Variants in PLCB1 observed in about 807,000 individuals in gnomAD.
PLCB1 encodes the protein 1-phosphatidylinositol 4,5-bisphosphate phosphodiesterase beta-1.
In PLCB1, 46 loss-of-function variants were observed where a neutral mutation model predicts 161.8. The ratio of observed to expected loss-of-function variants is 0.28; its 90% CI spans 0.22 to 0.36. The LOEUF (loss-of-function observed/expected upper bound fraction) is 0.36, where lower values mean the gene tolerates loss of function less well. Ranked by LOEUF, PLCB1 falls within the 10% of genes least tolerant of loss-of-function variation. The pLI is 1.00. For missense variants in PLCB1, 1,016 were observed against 1,472.5 expected (o/e 0.69, Z 5.07); for synonymous variants, 517 against 503.7 (o/e 1.03, Z -0.35).
chr20:8,265,209 A>C (rs1477562727), intron 2 of PLCB1, among the ~76,000 whole-genome samples: 1 of 152,172 alleles, frequency 6.6e-6, no homozygotes, highest in Admixed American at 6.5e-5. Context: ...TCTCCTCCAT[A>C]AAATGGGAAC....
rs2327089 is a variant in PLCB1, at chr20:8,788,533, C to T, written c.3188+8C>T. The T allele has an allele frequency of 0.95, 1,533,810 of 1,611,776 alleles. 731,822 individuals are homozygous for T. Among genetic ancestry groups the T allele is most frequent in the East Asian group, 1 (44,764 of 44,796 alleles). Reference sequence around the variant, plus strand: ...CAAAGAAATCTGTGAGAAGTAAGCCCTCATTCCCATTACAATTGACATGTG... The same window carrying T: ...CAAAGAAATCTGTGAGAAGTAAGCCTTCATTCCCATTACAATTGACATGTG... On this transcript the variant is annotated splice_region_variant and intron_variant, in intron 28 of 31. Transcript: ENST00000338037.
At chr20:8,530,344 A>G (rs1984755566) in intron 3 of PLCB1, among the ~76,000 whole-genome samples, 2 of 152,064 alleles carry the variant, frequency 1.3e-5, no homozygotes, top group South Asian at 4.1e-4. Context: ...ATTTAAGACC[A>G]TTTCTTCTTA....
At chr20:8,347,044 A>C (rs1319305316) in intron 2 of PLCB1, among the ~76,000 whole-genome samples, 1 of 152,202 alleles carries the variant, frequency 6.6e-6, no homozygotes, top group Non-Finnish European at 1.5e-5. Context: ...TAAATATAGA[A>C]ACTATGGAAA....
chr20:8,721,981 TGA>T (rs1422917238), intron 14 of PLCB1, among the ~76,000 whole-genome samples: 1 of 152,112 alleles, frequency 6.6e-6, no homozygotes, highest in Admixed American at 6.6e-5. Context: ...ATAGAGACCC[TGA>T]GAGAGTGTTT....
intron 31 of PLCB1, among the ~76,000 whole-genome samples, chr20:8,798,672 C>G (rs1035338250): frequency 1.1e-4 from 16 of 152,292 alleles, no homozygotes; most frequent in African/African-American, 3.9e-4. Flanking sequence ...CTGCTGCTTC[C>G]CATCAACCAG....
At chr20:8,458,600 T>C (rs1189330649) in intron 3 of PLCB1, among the ~76,000 whole-genome samples, 1 of 152,198 alleles carries the variant, frequency 6.6e-6, no homozygotes, top group Non-Finnish European at 1.5e-5. Flanking sequence ...CGTCCTTAGA[T>C]GAAACAGAGA....
At chr20:8,370,840 T>A (rs1986880539) in intron 2 of PLCB1, among the ~76,000 whole-genome samples, 1 of 152,142 alleles carries the variant, frequency 6.6e-6, no homozygotes. Context: ...TTCCCTAGAG[T>A]AACTTGTGTA....
chr20:8,433,205 CAA>C (rs993398226), intron 3 of PLCB1, among the ~76,000 whole-genome samples: 61 of 152,282 alleles, frequency 4.0e-4, no homozygotes, highest in African/African-American at 1.4e-3. Flanking sequence ...ACTTCAAAAT[CAA>C]GAGCAAAATT....
chr20:8,385,669 G>A (rs544436161), intron 3 of PLCB1, among the ~76,000 whole-genome samples: 5 of 152,182 alleles, frequency 3.3e-5, no homozygotes, highest in African/African-American at 4.8e-5. Context: ...GGGATCTTCC[G>A]ATCCATGGGT....
At chr20:8,681,519 C>T (rs942395371) in intron 9 of PLCB1, among the ~76,000 whole-genome samples, 1 of 152,130 alleles carries the variant, frequency 6.6e-6, no homozygotes, top group Admixed American at 6.5e-5. Flanking sequence ...GTTCTTCTTT[C>T]ATGTTCAATA....
At chr20:8,279,899 G>T (rs760609446) in intron 2 of PLCB1, among the ~76,000 whole-genome samples, 3 of 152,144 alleles carry the variant, frequency 2.0e-5, no homozygotes, top group Admixed American at 6.6e-5. Context: ...CAGGTTAGTG[G>T]TTATCTTTGG....
chr20:8,743,929 A>G (rs1981011146), intron 23 of PLCB1, among the ~76,000 whole-genome samples: 2 of 152,132 alleles, frequency 1.3e-5, no homozygotes, highest in African/African-American at 4.8e-5. Context: ...AAGGTTCTCA[A>G]ATTCTTTTCT....
chr20:8,710,888 C>G (rs1978972468), intron 12 of PLCB1, among the ~76,000 whole-genome samples: 1 of 152,114 alleles, frequency 6.6e-6, no homozygotes, highest in Admixed American at 6.5e-5. Flanking sequence ...CTGAGCTTCC[C>G]CTTGGCATAG....
chr20:8,192,656 A>G (rs185993908), intron 2 of PLCB1, among the ~76,000 whole-genome samples: 13 of 152,080 alleles, frequency 8.5e-5, no homozygotes. Context: ...TAAATGCTAC[A>G]TAAGTGGCAC....
intron 3 of PLCB1, among the ~76,000 whole-genome samples, chr20:8,388,199 CT>C (rs1468922227): frequency 6.6e-6 from 1 of 151,696 alleles, no homozygotes; most frequent in South Asian, 2.1e-4. Flanking sequence ...TTTGTATATG[CT>C]TTTTTTTCCC....
chr20:8,412,530 A>G (rs1979090474), intron 3 of PLCB1, among the ~76,000 whole-genome samples: 3 of 152,224 alleles, frequency 2.0e-5, no homozygotes, highest in Admixed American at 2.0e-4. Context: ...TAAGAGAAGC[A>G]GGAAGTCAGA....
chr20:8,231,394 A>G (rs976976346), intron 2 of PLCB1, among the ~76,000 whole-genome samples: 80 of 152,162 alleles, frequency 5.3e-4, no homozygotes, highest in Non-Finnish European at 6.8e-4. Context: ...ATATCTGCAC[A>G]TTGTCAAATG....
chr20:8,450,832 A>G (rs1196858306), intron 3 of PLCB1, among the ~76,000 whole-genome samples: 1 of 152,226 alleles, frequency 6.6e-6, no homozygotes, highest in Non-Finnish European at 1.5e-5. Context: ...CTGGACAGTT[A>G]ACAAAATTTT....
At chr20:8,215,345 A>C (rs937745973) in intron 2 of PLCB1, among the ~76,000 whole-genome samples, 7 of 152,058 alleles carry the variant, frequency 4.6e-5, no homozygotes, top group Admixed American at 1.3e-4. Context: ...GTTCAAACAG[A>C]TTCTTGGAAG....
Sources: allele counts gnomAD v4.1 joint callset (sites outside exome capture counted in the v4.1 genomes callset), GRCh38; gene constraint gnomAD v4.1.1; transcripts MANE v1.5; gene names NCBI Gene and HGNC (gene_info 2026-07-23, HGNC 2026-07-21).